The following CENPC variants were observed in gnomAD, a reference collection of about 807,000 sequenced individuals.
CENPC encodes the protein centromere protein C.
CENPC carries 63 observed loss-of-function variants against 112.1 expected under a neutral mutation model. The ratio of observed to expected loss-of-function variants is 0.56; its 90% CI spans 0.46 to 0.69. The LOEUF is 0.69. Among genes scored for constraint, CENPC ranks in the 30% least tolerant of loss-of-function variants. The probability of loss-of-function intolerance (pLI) is 0.00; values close to 1 mark genes in which losing one functional copy is unlikely to be tolerated. For synonymous variants in CENPC, 333 were observed against 367.6 expected (o/e 0.91, Z 1.08); for missense variants, 1,000 against 1,103.8 (o/e 0.91, Z 1.33).
At chr4:67,536,216 T>C (rs913289515) in intron 4 of CENPC, among the ~76,000 whole-genome samples, 6 of 152,176 alleles carry the variant, frequency 3.9e-5, no homozygotes, top group East Asian at 3.9e-4. Flanking sequence ...TATACACAAA[T>C]TGAGAACAGA....
chr4:67,524,295 C>T (rs1726311084), intron 5 of CENPC, among the ~76,000 whole-genome samples: 2 of 152,224 alleles, frequency 1.3e-5, no homozygotes, highest in Admixed American at 1.3e-4. Flanking sequence ...CTCACCACTC[C>T]TATTCAACAC....
chr4:67,538,158 A>ACAGAG (rs2109833699), intron 4 of CENPC, among the ~76,000 whole-genome samples: 1 of 152,328 alleles, frequency 6.6e-6, no homozygotes, highest in African/African-American at 2.4e-5. Context: ...CAGTACAAAC[A>ACAGAG]CAGAGTAGAA....
At chr4:67,512,373 A>T in intron 9 of CENPC, 29 bp downstream of exon 9, 3 of 1,502,850 alleles carry the variant, frequency 2.0e-6, no homozygotes, top group African/African-American at 2.8e-5. Flanking sequence ...TTGTCTATGA[A>T]CAAACACAAT....
At chr4:67,535,602 A>G (rs769675307) in intron 4 of CENPC, among the ~76,000 whole-genome samples, 1 of 152,176 alleles carries the variant, frequency 6.6e-6, no homozygotes, top group Non-Finnish European at 1.5e-5. Flanking sequence ...AAATCAAGAG[A>G]AAATTAAGAA....
At chr4:67,506,738 G>C in intron 11 of CENPC, 50 bp downstream of exon 11, 3 of 1,380,766 alleles carry the variant, frequency 2.2e-6, no homozygotes, top group Non-Finnish European at 2.9e-6. Flanking sequence ...CTGTTATACA[G>C]CAATGGGTAA....
At chr4:67,504,313 T>C (rs1206766124) in intron 12 of CENPC, among the ~76,000 whole-genome samples, 1 of 151,818 alleles carries the variant, frequency 6.6e-6, no homozygotes, top group African/African-American at 2.4e-5. Flanking sequence ...GCTGCTTCTT[T>C]ACCAAAGAAA....
intron 5 of CENPC, among the ~76,000 whole-genome samples, chr4:67,525,183 G>A (rs1726339892): frequency 6.6e-6 from 1 of 152,098 alleles, no homozygotes; most frequent in African/African-American, 2.4e-5. Flanking sequence ...AACTCAAGAT[G>A]CATTAAAGAC....
At chr4:67,487,484 G>C (rs945718968) in intron 17 of CENPC, among the ~76,000 whole-genome samples, 1 of 151,716 alleles carries the variant, frequency 6.6e-6, no homozygotes, top group Non-Finnish European at 1.5e-5. Context: ...AATGGTTTCT[G>C]ATTAGTAGTT....
At chr4:67,491,480 T>TATATAGAGAGAGAGAG (rs1725270093) in intron 16 of CENPC, among the ~76,000 whole-genome samples, 1 of 18,100 alleles carries the variant, frequency 5.5e-5, no homozygotes, top group Non-Finnish European at 1.0e-4. Flanking sequence ...TATATATATA[T>TATATAGAGAGAGAGAG]AGAGAGAGAG....
At chr4:67,481,375 T>A (rs1240526605) in intron 17 of CENPC, among the ~76,000 whole-genome samples, 2 of 152,122 alleles carry the variant, frequency 1.3e-5, no homozygotes, top group African/African-American at 4.8e-5. Context: ...AATACTATCA[T>A]CATTCTTCAA....
intron 17 of CENPC, among the ~76,000 whole-genome samples, chr4:67,488,420 A>G (rs1005996033): frequency 6.6e-6 from 1 of 152,022 alleles, no homozygotes; most frequent in Non-Finnish European, 1.5e-5. Flanking sequence ...AAATAACTAC[A>G]TATGTTCAGC....
intron 16 of CENPC, among the ~76,000 whole-genome samples, chr4:67,491,951 G>T (rs1302714697): frequency 6.6e-6 from 1 of 152,062 alleles, no homozygotes; most frequent in Non-Finnish European, 1.5e-5. Flanking sequence ...CACTACTTGT[G>T]CCCCAGAGGA....
At chr4:67,484,766 A>G (rs1198915775) in intron 17 of CENPC, among the ~76,000 whole-genome samples, 1 of 152,174 alleles carries the variant, frequency 6.6e-6, no homozygotes, top group African/African-American at 2.4e-5. Context: ...TGAAAATTCT[A>G]CAGCCACTGT....
chr4:67,544,059 G>T (rs1726960007), intron 2 of CENPC, 90 bp downstream of exon 2: 1 of 716,166 alleles, frequency 1.4e-6, no homozygotes, highest in Non-Finnish European at 2.5e-6. Flanking sequence ...CATTATATTA[G>T]TCAGAGGTGA....
chr4:67,544,436 C>T (rs1726970861), intron 1 of CENPC, among the ~76,000 whole-genome samples: 1 of 152,094 alleles, frequency 6.6e-6, no homozygotes, highest in South Asian at 2.1e-4. Flanking sequence ...GGCTTTATTG[C>T]TTTCTTCTGA....
At chr4:67,520,543 T>C (rs1726195318) in intron 5 of CENPC, among the ~76,000 whole-genome samples, 1 of 152,082 alleles carries the variant, frequency 6.6e-6, no homozygotes, top group South Asian at 2.1e-4. Context: ...GACCAGCAGC[T>C]TCTAACCAGA....
intron 4 of CENPC, among the ~76,000 whole-genome samples, chr4:67,536,590 T>C (rs2109831963): frequency 6.6e-6 from 1 of 152,210 alleles, no homozygotes; most frequent in East Asian, 1.9e-4. Context: ...TGATTTTATT[T>C]TCAAATCAAG....
chr4:67,512,198 C>T, intron 9 of CENPC: 1 of 406,048 alleles, frequency 2.5e-6, no homozygotes, highest in Non-Finnish European at 4.3e-6. Flanking sequence ...TTTGTTTTCC[C>T]ACAGCTATTA....
In CENPC at chr4:67,514,342, T is replaced by C; in HGVS notation, c.1176A>G (p.Val392=). 1 of 1,612,244 alleles carries C rather than the reference T, an allele frequency of 6.2e-7. No individual in the cohort carries two copies. Among genetic ancestry groups the C allele is most frequent in the Non-Finnish European group, 8.5e-7 (1 of 1,178,772 alleles). The change falls in exon 8 of 19, where the codon GTA becomes GTG. Residue 392 remains valine (V), a synonymous_variant. Transcript: ENST00000273853. ...CATATTTTGTAGATCTATAATTATTTACTGTTTCACCTATCAAAGCATAAC... is the reference window on the plus strand; with the variant it reads ...CATATTTTGTAGATCTATAATTATTCACTGTTTCACCTATCAAAGCATAAC... ...DTSYALIGET[V]NNYRSTKYEM...
Sources: allele counts gnomAD v4.1 joint callset (sites outside exome capture counted in the v4.1 genomes callset), GRCh38; gene constraint gnomAD v4.1.1; transcripts MANE v1.5; gene names NCBI Gene and HGNC (gene_info 2026-07-23, HGNC 2026-07-21).